Variants in ZNF704 observed in about 807,000 individuals in gnomAD.
ZNF704 encodes zinc finger protein 704.
In ZNF704, 10 loss-of-function variants were observed where a neutral mutation model predicts 44.7. The observed-to-expected ratio is 0.22, with a 90% CI of 0.14 to 0.38. ZNF704 has a LOEUF of 0.38. Ranked by LOEUF, ZNF704 falls within the 10% of genes least tolerant of loss-of-function variation. ZNF704 has a pLI of 1.00. For missense variants in ZNF704, 390 were observed against 545.5 expected, an observed-to-expected ratio of 0.71 and a Z score of 2.84; for synonymous variants, 211 against 207.6, an observed-to-expected ratio of 1.02 and a Z score of -0.14.
At chr8:80,705,211 A>G (rs1818877237) in intron 2 of ZNF704, among the ~76,000 whole-genome samples, 1 of 152,166 alleles carries the variant, frequency 6.6e-6, no homozygotes, top group South Asian at 2.1e-4. Context: ...CTGAGGCTGC[A>G]TATGATGAAA....
At position 80,640,739 on chromosome 8, in the gene ZNF704, G is replaced by A. The variant is rs946994754; in HGVS notation, c.*627C>T. 1 of 152,138 alleles carries A rather than the reference G, an allele frequency of 6.6e-6. No homozygotes were observed. Among genetic ancestry groups the A allele is most frequent in the Non-Finnish European group, 1.5e-5 (1 of 68,040 alleles). The allele number at this position is 152,138 out of a possible 1,614,324, so 9.4% of individuals were successfully genotyped here. A position where few individuals can be genotyped will look rare whatever the true frequency, so the allele number is the denominator to read the frequency against. ...CCCTTCTCGAGTTTATGCCATCTGG[G>A]GCCCTACAAACTAATAGCTCTACCA... On this transcript the variant is annotated 3_prime_UTR_variant, in exon 9 of 9. Transcript: ENST00000327835.
At chr8:80,651,004 CCAATATT>C (rs1164292387) in intron 7 of ZNF704, among the ~76,000 whole-genome samples, 1 of 152,134 alleles carries the variant, frequency 6.6e-6, no homozygotes, top group Non-Finnish European at 1.5e-5. Context: ...AGAGTGGGGG[CCAATATT>C]CAACATTCTT....
intron 4 of ZNF704, among the ~76,000 whole-genome samples, chr8:80,685,127 TAA>T (rs970020145): frequency 6.7e-6 from 1 of 149,882 alleles, no homozygotes; most frequent in Admixed American, 6.6e-5. Context: ...GCTCATCCAA[TAA>T]AAATAAATAT....
Position 80,638,673 on chromosome 8 carries a change from C to G in ZNF704, c.*2693G>C, listed in dbSNP as rs1817697303. On this transcript the variant is annotated 3_prime_UTR_variant, in exon 9 of 9. Coordinates refer to ENST00000327835, the MANE Select transcript of ZNF704 (RefSeq NM_001033723.3). ...TGGGTGGCCTGTAAGGAGTATAATC[C>G]CTTTTCTTCAAGACCAGCCACCTGT... 1 of 152,036 alleles carries G rather than the reference C, an allele frequency of 6.6e-6. No homozygotes were observed. The highest frequency in any genetic ancestry group is 1.5e-5 in the Non-Finnish European group (1 of 68,030). The allele number at this position is 152,036 out of a possible 1,614,324, so 9.4% of individuals were successfully genotyped here. A position where few individuals can be genotyped will look rare whatever the true frequency, so the allele number is the denominator to read the frequency against.
intron 1 of ZNF704, among the ~76,000 whole-genome samples, chr8:80,870,181 C>CA (rs377646247): frequency 2.4e-4 from 36 of 150,734 alleles, no homozygotes; most frequent in Middle Eastern, 3.4e-3. Context: ...TGTTTTAAAG[C>CA]AAAAAAAAAT....
chr8:80,762,453 A>T (rs1807148639), intron 2 of ZNF704, among the ~76,000 whole-genome samples: 2 of 152,180 alleles, frequency 1.3e-5, no homozygotes, highest in South Asian at 4.1e-4. Context: ...GTGCAAGCAG[A>T]GGAAATGCCA....
intron 7 of ZNF704, chr8:80,645,024 T>G: frequency 7.9e-7 from 1 of 1,272,634 alleles, no homozygotes; most frequent in South Asian, 1.2e-5. Context: ...TCCCTGACTC[T>G]GCTGAATGCC....
Position 80,630,516 on chromosome 8 carries a change from AAAC to A in ZNF704, c.*10847_*10849del, listed in dbSNP as rs1231660197. 1.3e-5 allele frequency: 2 copies of A among 152,246 alleles called. No homozygotes were observed. Among genetic ancestry groups the A allele is most frequent in the East Asian group, 3.8e-4 (2 of 5,198 alleles). The allele number at this position is 152,246 out of a possible 1,614,324, so 9.4% of individuals were successfully genotyped here. ...TTTAATATTTTAGATTTGGTGTAGAAAACAATTCAGAAGATGGCTTAATTTTTT... is the reference window on the plus strand; with the variant it reads ...TTTAATATTTTAGATTTGGTGTAGAAAATTCAGAAGATGGCTTAATTTTTT... On this transcript the variant is annotated 3_prime_UTR_variant, in exon 9 of 9. Transcript: ENST00000327835.
intron 2 of ZNF704, among the ~76,000 whole-genome samples, chr8:80,727,462 C>A (rs899489576): frequency 3.0e-4 from 46 of 150,946 alleles, no homozygotes; most frequent in Non-Finnish European, 4.4e-5. Context: ...AAAAATAATA[C>A]AAAATAACCA....
At chr8:80,796,533 T>TA (rs1308671806) in intron 2 of ZNF704, among the ~76,000 whole-genome samples, 1 of 152,158 alleles carries the variant, frequency 6.6e-6, no homozygotes, top group African/African-American at 2.4e-5. Context: ...TCCCCGCAAA[T>TA]AAACTCTTTT....
chr8:80,766,378 C>G (rs979699669), intron 2 of ZNF704, among the ~76,000 whole-genome samples: 1 of 152,120 alleles, frequency 6.6e-6, no homozygotes, highest in Admixed American at 6.5e-5. Context: ...TACGAACACC[C>G]AGAAAGGGGC....
intron 2 of ZNF704, among the ~76,000 whole-genome samples, chr8:80,761,506 C>T (rs548054771): frequency 1.3e-5 from 2 of 152,194 alleles, no homozygotes; most frequent in East Asian, 3.9e-4. Flanking sequence ...AAATCATAAT[C>T]CCTAACATCT....
chr8:80,868,912 C>T (rs1488004867), intron 1 of ZNF704, among the ~76,000 whole-genome samples: 1 of 152,190 alleles, frequency 6.6e-6, no homozygotes, highest in Non-Finnish European at 1.5e-5. Flanking sequence ...ATTGCTCACT[C>T]ATCAGGCTAA....
chr8:80,736,933 GTGT>G (rs144989522), intron 2 of ZNF704, among the ~76,000 whole-genome samples: 3,437 of 151,894 alleles, frequency 0.023, 131 homozygotes, highest in African/African-American at 0.078. Context: ...TTGGGCCCTG[GTGT>G]TTTTTTTTTT....
intron 4 of ZNF704, among the ~76,000 whole-genome samples, chr8:80,674,377 G>C (rs1818329380): frequency 6.6e-6 from 1 of 152,180 alleles, no homozygotes; most frequent in Non-Finnish European, 1.5e-5. Flanking sequence ...TGGGTATAAA[G>C]AAAAGAGGTT....
At position 80,874,309 on chromosome 8, in the gene ZNF704, C is replaced by T. The variant is rs1472996578; in HGVS notation, c.-22+262G>A. On this transcript the variant is annotated intron_variant, in intron 1 of 8. Transcript: ENST00000327835. The surrounding 1 kb of genome is among the most constrained non-coding windows in gnomAD (Gnocchi z 4.4). Reference sequence around the variant, plus strand: ...GGCGGGGGTGGGTGTGAGCGAGCGGCGCGCTGCCGCCTCCGCCGCCGCCGC... The same window carrying T: ...GGCGGGGGTGGGTGTGAGCGAGCGGTGCGCTGCCGCCTCCGCCGCCGCCGC... Among the ~76,000 whole-genome samples, 1 of 144,742 alleles carries T rather than the reference C, an allele frequency of 6.9e-6. No individual in the cohort carries two copies. Among genetic ancestry groups the T allele is most frequent in the Non-Finnish European group, 1.5e-5 (1 of 65,252 alleles). The allele number at this position is 144,742 out of a possible 152,430, so 95.0% of individuals were successfully genotyped here.
upstream of ZNF704, among the ~76,000 whole-genome samples, chr8:80,876,836 C>CA (rs1308246637): frequency 6.6e-6 from 1 of 152,152 alleles, no homozygotes; most frequent in Non-Finnish European, 1.5e-5. Context: ...AGGTAGCTCT[C>CA]TTTTAAGTAA....
In ZNF704 at chr8:80,691,871, C is replaced by T. The variant is rs80060577; in HGVS notation, c.325+1133G>A. On this transcript the variant is annotated intron_variant, in intron 3 of 8. Transcript: ENST00000327835. ...GTCTGTCACCTGCCCCAGTGAATGT[C>T]CTCCCCTTGCTGAAGCACACCAACT... Among the ~76,000 whole-genome samples, 486 of 152,282 alleles carry T rather than the reference C, an allele frequency of 3.2e-3. 6 individuals are homozygous for T. Among genetic ancestry groups the T allele is most frequent in the East Asian group, 0.02 (102 of 5,190 alleles).
Position 80,632,512 on chromosome 8 carries a change from T to C in ZNF704, c.*8854A>G, listed in dbSNP as rs774248676. On this transcript the variant is annotated 3_prime_UTR_variant, in exon 9 of 9. Transcript: ENST00000327835. ...GGCCAATTCTGGTTAATTTTCTGAA[T>C]TAAAAATTTAGGGAAAAGGACCTAG... The C allele has an allele frequency of 2.6e-5, 4 of 152,188 alleles. No individual in the cohort carries two copies. Among genetic ancestry groups the C allele is most frequent in the Non-Finnish European group, 5.9e-5 (4 of 68,038 alleles). The allele number at this position is 152,188 out of a possible 1,614,324, so 9.4% of individuals were successfully genotyped here. A position where few individuals can be genotyped will look rare whatever the true frequency, so the allele number is the denominator to read the frequency against.
Sources: allele counts gnomAD v4.1 joint callset (sites outside exome capture counted in the v4.1 genomes callset), GRCh38; gene constraint gnomAD v4.1.1; non-coding constraint Gnocchi (gnomAD v3.1); transcripts MANE v1.5; gene names NCBI Gene and HGNC (gene_info 2026-07-23, HGNC 2026-07-21).